Variants in GPC5 observed in about 807,000 individuals in gnomAD.
GPC5 encodes the protein glypican-5.
Under a neutral mutation model 53.9 loss-of-function variants are expected in GPC5, and 47 were observed. The ratio of observed to expected loss-of-function variants is 0.87; its 90% CI spans 0.69 to 1.11. GPC5 has a LOEUF of 1.11. Among genes scored for constraint, GPC5 ranks in the 50% most tolerant of loss-of-function variants. The probability of loss-of-function intolerance (pLI) is 0.00; values close to 1 mark genes in which losing one functional copy is unlikely to be tolerated. For synonymous variants in GPC5, 286 were observed against 263.3 expected, an observed-to-expected ratio of 1.09 and a Z score of -0.84; for missense variants, 748 against 713.1, an observed-to-expected ratio of 1.05 and a Z score of -0.56.
intron 7 of GPC5, among the ~76,000 whole-genome samples, chr13:92,856,860 C>G (rs1879018546): frequency 6.6e-6 from 1 of 151,982 alleles, no homozygotes; most frequent in South Asian, 2.1e-4. Flanking sequence ...ATTCCACACT[C>G]ATGGATTAGA....
intron 1 of GPC5, among the ~76,000 whole-genome samples, chr13:91,444,028 T>C (rs952721012): frequency 6.6e-6 from 1 of 152,202 alleles, no homozygotes; most frequent in African/African-American, 2.4e-5. Flanking sequence ...CTGTTTTTTT[T>C]CTTCAGGGGC....
intron 7 of GPC5, among the ~76,000 whole-genome samples, chr13:92,477,050 A>ATAAAT (rs546198693): frequency 1.2e-4 from 18 of 149,488 alleles, no homozygotes; most frequent in South Asian, 2.1e-4. Flanking sequence ...ATAATAATAA[A>ATAAAT]AAATAAATAA....
intron 2 of GPC5, among the ~76,000 whole-genome samples, chr13:91,464,028 T>C (rs1882090127): frequency 6.6e-6 from 1 of 151,904 alleles, no homozygotes; most frequent in Non-Finnish European, 1.5e-5. Flanking sequence ...ATATTAAAAA[T>C]TCAACAGTTA....
intron 7 of GPC5, among the ~76,000 whole-genome samples, chr13:92,742,443 T>G (rs1889128890): frequency 6.6e-6 from 1 of 152,100 alleles, no homozygotes. Flanking sequence ...TTTGTTTTTT[T>G]CTTGTAAATT....
rs76189717 is a variant in GPC5 at position 92,817,239 on chromosome 13, A to T, written c.1562-49043A>T. Among the ~76,000 whole-genome samples the T allele has an allele frequency of 1.2e-3, 185 of 152,180 alleles. 5 individuals are homozygous for T. In the East Asian group the frequency reaches 0.032, roughly 27 times the overall value. ...AAATGCTGTTACAATGAAGCAGAAA[A>T]TATGAATATGTTGTTCTGCAGCAGG... On this transcript the variant is annotated intron_variant, in intron 7 of 7. Transcript: ENST00000377067.
intron 7 of GPC5, among the ~76,000 whole-genome samples, chr13:92,823,362 T>G (rs1403392936): frequency 6.6e-6 from 1 of 152,124 alleles, no homozygotes; most frequent in East Asian, 1.9e-4. Context: ...AAGGAACATA[T>G]AAATACAACT....
At chr13:92,226,340 C>A (rs1005905406) in intron 7 of GPC5, among the ~76,000 whole-genome samples, 2 of 152,148 alleles carry the variant, frequency 1.3e-5, no homozygotes, top group South Asian at 2.1e-4. Flanking sequence ...AAGAGAACAA[C>A]AATCGTGTGT....
At chr13:91,741,155 G>T (rs1334089986) in intron 4 of GPC5, among the ~76,000 whole-genome samples, 3 of 145,878 alleles carry the variant, frequency 2.1e-5, no homozygotes, top group Non-Finnish European at 4.4e-5. Context: ...TGATGTCAAG[G>T]TGGGGAATGC....
chr13:92,356,617 C>G (rs1000150661), intron 7 of GPC5, among the ~76,000 whole-genome samples: 8 of 152,010 alleles, frequency 5.3e-5, no homozygotes, highest in African/African-American at 1.9e-4. Flanking sequence ...GAGAAGGTCT[C>G]AGATGACTCT....
At chr13:91,711,546 A>G (rs1347444875) in intron 3 of GPC5, among the ~76,000 whole-genome samples, 1 of 152,232 alleles carries the variant, frequency 6.6e-6, no homozygotes, top group Admixed American at 6.5e-5. Flanking sequence ...TGGTACATGT[A>G]TACATATGTA....
At chr13:92,253,780 T>TA (rs928880925) in intron 7 of GPC5, among the ~76,000 whole-genome samples, 9 of 151,584 alleles carry the variant, frequency 5.9e-5, no homozygotes, top group South Asian at 2.1e-4. Flanking sequence ...GCTGTAGAAA[T>TA]AAAAAAAAGA....
intron 2 of GPC5, among the ~76,000 whole-genome samples, chr13:91,625,835 A>T (rs2033984334): frequency 6.6e-6 from 1 of 152,114 alleles, no homozygotes; most frequent in Non-Finnish European, 1.5e-5. Flanking sequence ...TAACATATTG[A>T]TCAGTTCAGA....
At chr13:91,772,730 C>A (rs1277904215) in intron 5 of GPC5, among the ~76,000 whole-genome samples, 1 of 152,080 alleles carries the variant, frequency 6.6e-6, no homozygotes, top group African/African-American at 2.4e-5. Flanking sequence ...ACTGATTTCC[C>A]AAGCCTCAAG....
chr13:91,443,235 G>A (rs1247384568), intron 1 of GPC5, among the ~76,000 whole-genome samples: 1 of 152,118 alleles, frequency 6.6e-6, no homozygotes, highest in African/African-American at 2.4e-5. Context: ...CTTTAAACAG[G>A]TAATTAAGGT....
intron 2 of GPC5, among the ~76,000 whole-genome samples, chr13:91,568,787 C>T (rs1469068593): frequency 3.4e-5 from 5 of 149,030 alleles, no homozygotes; most frequent in Non-Finnish European, 7.4e-5. Flanking sequence ...AGGAGTCTCT[C>T]TCTGTCGCTG....
chr13:92,196,867 C>T (rs1461482447), intron 7 of GPC5, among the ~76,000 whole-genome samples: 1 of 152,152 alleles, frequency 6.6e-6, no homozygotes, highest in Non-Finnish European at 1.5e-5. Flanking sequence ...TGGTACACTC[C>T]CGTTTCTATC....
chr13:92,672,245 T>C (rs1167941290), intron 7 of GPC5, among the ~76,000 whole-genome samples: 2 of 152,212 alleles, frequency 1.3e-5, no homozygotes, highest in African/African-American at 2.4e-5. Flanking sequence ...CAGAAAATTA[T>C]GTATTAATTT....
intron 2 of GPC5, among the ~76,000 whole-genome samples, chr13:91,622,292 G>A (rs916472594): frequency 6.6e-6 from 1 of 152,052 alleles, no homozygotes; most frequent in Non-Finnish European, 1.5e-5. Context: ...ATATCAGTGT[G>A]CTATCATTTA....
intron 6 of GPC5, among the ~76,000 whole-genome samples, chr13:91,975,202 A>G (rs1435900138): frequency 6.6e-6 from 1 of 152,140 alleles, no homozygotes; most frequent in African/African-American, 2.4e-5. Context: ...TTCAGGACAT[A>G]GGCATGGGCA....
Sources: allele counts gnomAD v4.1 joint callset (sites outside exome capture counted in the v4.1 genomes callset), GRCh38; gene constraint gnomAD v4.1.1; transcripts MANE v1.5; gene names NCBI Gene and HGNC (gene_info 2026-07-23, HGNC 2026-07-21).